ANO4: variants seen among roughly 807,000 people sequenced by gnomAD.
ANO4 encodes anoctamin 4, also known as anoctamin-4.
A neutral mutation model predicts 141.9 loss-of-function variants in ANO4; 69 were observed. The ratio of observed to expected loss-of-function variants is 0.49; its 90% CI spans 0.40 to 0.59. The LOEUF (loss-of-function observed/expected upper bound fraction) is 0.59, where lower values mean the gene tolerates loss of function less well. Ranked by LOEUF, ANO4 falls within the 20% of genes least tolerant of loss-of-function variation. The pLI is 0.00. For synonymous variants in ANO4, 350 were observed against 394.3 expected (o/e 0.89, Z 1.33); for missense variants, 894 against 1,162.2 (o/e 0.77, Z 3.36).
intron 2 of ANO4, among the ~76,000 whole-genome samples, chr12:100,908,152 G>A (rs2040930338): frequency 6.6e-6 from 1 of 152,116 alleles, no homozygotes; most frequent in African/African-American, 2.4e-5. Context: ...CTGAGGTCAG[G>A]AGTTCAAGAC....
intron 5 of ANO4, among the ~76,000 whole-genome samples, chr12:100,955,195 A>G (rs1485113507): frequency 6.6e-6 from 1 of 152,262 alleles, no homozygotes; most frequent in Non-Finnish European, 1.5e-5. Flanking sequence ...GTATGTTAAA[A>G]TAATAGTCAT....
intron 3 of ANO4, among the ~76,000 whole-genome samples, chr12:100,782,532 C>CT (rs1455391573): frequency 2.0e-5 from 3 of 152,270 alleles, no homozygotes; most frequent in South Asian, 2.1e-4. Flanking sequence ...TCTCTACCTT[C>CT]TTTTTTTCAT....
chr12:100,726,960 AC>A (rs535734069), intron 1 of ANO4, among the ~76,000 whole-genome samples: 7 of 141,704 alleles, frequency 4.9e-5, no homozygotes, highest in Admixed American at 1.4e-4. Flanking sequence ...TTGCCCCGGG[AC>A]CCCCCCCGCC....
intron 2 of ANO4, among the ~76,000 whole-genome samples, chr12:100,906,727 G>C (rs559824362): frequency 7.2e-5 from 11 of 152,110 alleles, no homozygotes; most frequent in East Asian, 1.9e-4. Flanking sequence ...AAAGATAAAG[G>C]GTAGAAGATG....
At chr12:100,830,189 G>A (rs1565914832) in intron 1 of ANO4, among the ~76,000 whole-genome samples, 1 of 151,970 alleles carries the variant, frequency 6.6e-6, no homozygotes, top group African/African-American at 2.4e-5. Context: ...CCACATTTCT[G>A]GCTGCTGCTT....
chr12:100,791,822 C>G (rs555022464), upstream of ANO4, among the ~76,000 whole-genome samples: 1 of 152,288 alleles, frequency 6.6e-6, no homozygotes, highest in South Asian at 2.1e-4. Context: ...AATACTTACA[C>G]TATGGGTGCT....
intron 14 of ANO4, among the ~76,000 whole-genome samples, chr12:101,052,642 AT>A (rs1284184506): frequency 6.6e-6 from 1 of 152,224 alleles, no homozygotes; most frequent in African/African-American, 2.4e-5. Flanking sequence ...TGAATGAAGT[AT>A]GTCTCATTTA....
intron 3 of ANO4, among the ~76,000 whole-genome samples, chr12:100,922,703 A>G (rs1284640176): frequency 2.0e-5 from 3 of 152,148 alleles, no homozygotes; most frequent in African/African-American, 4.8e-5. Flanking sequence ...CTCAAATGGA[A>G]GTAATAAGAG....
At chr12:100,784,994 C>T (rs890209626) in intron 3 of ANO4, among the ~76,000 whole-genome samples, 1 of 151,812 alleles carries the variant, frequency 6.6e-6, no homozygotes, top group African/African-American at 2.4e-5. Context: ...AAACAAAGCC[C>T]TTTGTTTTCT....
At chr12:100,760,579 A>G (rs2032810125) in intron 3 of ANO4, among the ~76,000 whole-genome samples, 4 of 152,138 alleles carry the variant, frequency 2.6e-5, no homozygotes, top group African/African-American at 7.2e-5. Context: ...TTAAAATTCT[A>G]TGCATCTCTT....
chr12:100,943,888 T>G (rs778438983), intron 5 of ANO4, among the ~76,000 whole-genome samples: 1 of 152,198 alleles, frequency 6.6e-6, no homozygotes, highest in Non-Finnish European at 1.5e-5. Flanking sequence ...TGCCTTCTTC[T>G]TTTATTCTCA....
At chr12:101,112,205 G>A (rs1180791183) in intron 24 of ANO4, among the ~76,000 whole-genome samples, 1 of 152,138 alleles carries the variant, frequency 6.6e-6, no homozygotes, top group Non-Finnish European at 1.5e-5. Flanking sequence ...TCCTCAATAA[G>A]TATTCGTGGA....
At chr12:101,035,018 T>A (rs1459155058) in intron 9 of ANO4, among the ~76,000 whole-genome samples, 2 of 152,202 alleles carry the variant, frequency 1.3e-5, no homozygotes, top group African/African-American at 4.8e-5. Flanking sequence ...GTTCATCTAC[T>A]ATATGATCTA....
intron 5 of ANO4, among the ~76,000 whole-genome samples, chr12:100,948,691 C>T (rs1235721883): frequency 1.3e-5 from 2 of 152,092 alleles, no homozygotes; most frequent in Non-Finnish European, 2.9e-5. Context: ...AGGTGGCCCG[C>T]GAATGATAGC....
rs772420286 is a variant in ANO4, at chr12:101,079,168, CTT to C, written c.1313-23_1313-22del. 8 of 1,604,222 alleles carry C rather than the reference CTT, an allele frequency of 5.0e-6. No individual in the cohort carries two copies. The South Asian group carries it at 5.5e-5, about 11-fold the overall frequency. ...TTGTTTTACTTTTATTCAAAAATGT[CTT>C]TGTCTTTCTCTGCTTGTTCCAGCAA... On this transcript the variant is annotated intron_variant, in intron 14 of 27. Coordinates refer to ENST00000392977, the MANE Select transcript of ANO4 (RefSeq NM_001286615.2).
At chr12:100,751,263 A>T (rs756564759) in intron 3 of ANO4, among the ~76,000 whole-genome samples, 4 of 152,152 alleles carry the variant, frequency 2.6e-5, no homozygotes, top group Non-Finnish European at 1.5e-5. Flanking sequence ...GTTTAGAAAG[A>T]TCTACGCGGG....
intron 2 of ANO4, among the ~76,000 whole-genome samples, chr12:100,912,571 T>A (rs1381343962): frequency 6.6e-6 from 1 of 152,012 alleles, no homozygotes; most frequent in Non-Finnish European, 1.5e-5. Flanking sequence ...TTATGGGTGT[T>A]TTTTCCACGG....
intron 7 of ANO4, among the ~76,000 whole-genome samples, chr12:100,979,961 C>G (rs1397547833): frequency 6.8e-6 from 1 of 147,018 alleles, no homozygotes; most frequent in Non-Finnish European, 1.5e-5. Flanking sequence ...AGGATGGTCT[C>G]GATCTCTTGA....
intron 13 of ANO4, among the ~76,000 whole-genome samples, chr12:101,044,734 G>A (rs1593111163): frequency 6.6e-6 from 1 of 152,292 alleles, no homozygotes; most frequent in Non-Finnish European, 1.5e-5. Flanking sequence ...CTGCAGCAGT[G>A]AGCAGTGGTT....
Sources: allele counts gnomAD v4.1 joint callset (sites outside exome capture counted in the v4.1 genomes callset), GRCh38; gene constraint gnomAD v4.1.1; transcripts MANE v1.5; gene names NCBI Gene and HGNC (gene_info 2026-07-23, HGNC 2026-07-21).